Variants in ARL15 observed in about 807,000 individuals in gnomAD.
ARL15 encodes the protein ADP-ribosylation factor-like protein 15.
In ARL15, 19 loss-of-function variants were observed where a neutral mutation model predicts 25.2. That is an observed-to-expected ratio of 0.75 (90% confidence interval 0.53 to 1.10). The LOEUF is 1.10. ARL15 is among the 50% of genes least tolerant of loss of function. ARL15 has a pLI of 0.00. For missense variants in ARL15, 220 were observed against 246.0 expected, an observed-to-expected ratio of 0.89 and a Z score of 0.71; for synonymous variants, 94 against 86.8, an observed-to-expected ratio of 1.08 and a Z score of -0.46.
intron 4 of ARL15, among the ~76,000 whole-genome samples, chr5:53,921,418 T>C (rs1490583796): frequency 1.3e-5 from 2 of 152,222 alleles, no homozygotes; most frequent in Non-Finnish European, 2.9e-5. Context: ...GTTCCAGTAA[T>C]AGAAACATTT....
chr5:54,284,933 G>A (rs1007510954), intron 1 of ARL15, among the ~76,000 whole-genome samples: 2 of 152,106 alleles, frequency 1.3e-5, no homozygotes, highest in African/African-American at 4.8e-5. Context: ...CACAGTATAT[G>A]AACTGGTAAT....
rs376163562 is a variant in ARL15, at chr5:53,933,506, G to A, written c.463-46793C>T. 7.2e-5 allele frequency among the ~76,000 whole-genome samples: 11 copies of A among 152,024 alleles called. 1 individual carries two copies. Among genetic ancestry groups the A allele is most frequent in the East Asian group, 1.9e-4 (1 of 5,146 alleles). ...TAAAAATACAAAAAATTAGCCTGGC[G>A]TGGTGGTGGGCACCTGTAGTCCCAG... On this transcript the variant is annotated intron_variant, in intron 4 of 4. Coordinates refer to ENST00000504924, the MANE Select transcript of ARL15 (RefSeq NM_019087.3).
chr5:53,962,153 A>C (rs1198760442), intron 4 of ARL15, among the ~76,000 whole-genome samples: 1 of 152,242 alleles, frequency 6.6e-6, no homozygotes, highest in Non-Finnish European at 1.5e-5. Context: ...GACAGGTATT[A>C]CCAAATTGTT....
chr5:54,113,759 C>A (rs1752811468), intron 3 of ARL15, among the ~76,000 whole-genome samples: 1 of 151,894 alleles, frequency 6.6e-6, no homozygotes, highest in South Asian at 2.1e-4. Flanking sequence ...GAACTACACA[C>A]TCTCTAAAAA....
chr5:53,923,980 A>C (rs1286663728), intron 4 of ARL15, among the ~76,000 whole-genome samples: 1 of 152,252 alleles, frequency 6.6e-6, no homozygotes, highest in African/African-American at 2.4e-5. Flanking sequence ...TGATTTGAAA[A>C]ACCGCTGAAG....
intron 1 of ARL15, among the ~76,000 whole-genome samples, chr5:54,189,726 A>G (rs1755341088): frequency 6.6e-6 from 1 of 152,228 alleles, no homozygotes; most frequent in Non-Finnish European, 1.5e-5. Flanking sequence ...AGAAAAAAAC[A>G]CAGGGCAAAT....
At chr5:54,016,466 C>G (rs1469228584) in intron 4 of ARL15, among the ~76,000 whole-genome samples, 1 of 152,120 alleles carries the variant, frequency 6.6e-6, no homozygotes, top group Non-Finnish European at 1.5e-5. Context: ...TGCTTTAACA[C>G]TCTGCTGTCA....
intron 4 of ARL15, among the ~76,000 whole-genome samples, chr5:53,961,144 T>C (rs1725756525): frequency 6.6e-6 from 1 of 152,148 alleles, no homozygotes; most frequent in African/African-American, 2.4e-5. Flanking sequence ...ATTTTTTAAA[T>C]CGCTGTTTAG....
At chr5:54,057,813 G>T (rs999275327) in intron 4 of ARL15, among the ~76,000 whole-genome samples, 20 of 151,944 alleles carry the variant, frequency 1.3e-4, no homozygotes, top group African/African-American at 4.4e-4. Flanking sequence ...TGCACCTCTC[G>T]ACTTCACTCC....
intron 1 of ARL15, among the ~76,000 whole-genome samples, chr5:54,232,449 GA>G (rs1221618391): frequency 6.6e-6 from 1 of 152,126 alleles, no homozygotes; most frequent in Non-Finnish European, 1.5e-5. Context: ...ACTATCTATG[GA>G]AAAAAGTTTC....
chr5:54,013,411 A>G (rs1173445764), intron 4 of ARL15, among the ~76,000 whole-genome samples: 3 of 152,310 alleles, frequency 2.0e-5, no homozygotes, highest in East Asian at 3.9e-4. Flanking sequence ...GGAGAGATTT[A>G]GTTTAAATTT....
intron 4 of ARL15, among the ~76,000 whole-genome samples, chr5:54,079,694 G>A (rs1579775505): frequency 6.6e-6 from 1 of 152,084 alleles, no homozygotes; most frequent in African/African-American, 2.4e-5. Context: ...TTAAGGCCAG[G>A]CATGGTGGCT....
chr5:54,239,115 G>C (rs1056414875), intron 1 of ARL15, among the ~76,000 whole-genome samples: 4 of 152,042 alleles, frequency 2.6e-5, no homozygotes, highest in African/African-American at 4.8e-5. Context: ...TGGTGGAAAC[G>C]ACATTTAGGT....
chr5:54,188,483 T>C (rs148069577), intron 1 of ARL15, among the ~76,000 whole-genome samples: 3 of 152,284 alleles, frequency 2.0e-5, no homozygotes, highest in East Asian at 3.9e-4. Flanking sequence ...TTGACTTTAG[T>C]GTTAACATTG....
At chr5:54,055,690 G>A (rs1750847560) in intron 4 of ARL15, among the ~76,000 whole-genome samples, 2 of 151,790 alleles carry the variant, frequency 1.3e-5, no homozygotes, top group African/African-American at 4.8e-5. Context: ...CAAATAATAT[G>A]CCATTGTATG....
chr5:54,036,503 G>A (rs1039852176), intron 4 of ARL15, among the ~76,000 whole-genome samples: 2 of 151,984 alleles, frequency 1.3e-5, no homozygotes, highest in African/African-American at 4.8e-5. Flanking sequence ...ACTCCCCTCT[G>A]ATAAAAACGC....
intron 4 of ARL15, among the ~76,000 whole-genome samples, chr5:54,037,553 C>T (rs1209499723): frequency 6.6e-6 from 1 of 152,032 alleles, no homozygotes; most frequent in Non-Finnish European, 1.5e-5. Flanking sequence ...TGTCTAATGC[C>T]TCCACCCTAA....
At chr5:54,126,073 G>A (rs908892304) in intron 3 of ARL15, among the ~76,000 whole-genome samples, 2 of 152,082 alleles carry the variant, frequency 1.3e-5, no homozygotes, top group African/African-American at 4.8e-5. Context: ...CCCTCAGAGT[G>A]CACAGATCTC....
chr5:53,886,223 A>G lies in ARL15; in HGVS notation c.*338T>C, dbSNP rs1385972228. On this transcript the variant is annotated 3_prime_UTR_variant, in exon 5 of 5. Transcript: ENST00000504924. ...TCTTGTGAGTCTTTCTGAGTCCTTC[A>G]AAAGGGATTTGATTTCCATAAGCCA... 2 of 170,380 alleles carry G rather than the reference A, an allele frequency of 1.2e-5. No homozygotes were observed. The highest frequency in any genetic ancestry group is 2.5e-5 in the Non-Finnish European group (2 of 80,340). The allele number at this position is 170,380 out of a possible 1,614,324, so 10.6% of individuals were successfully genotyped here. A position where few individuals can be genotyped will look rare whatever the true frequency, so the allele number is the denominator to read the frequency against.
Sources: allele counts gnomAD v4.1 joint callset (sites outside exome capture counted in the v4.1 genomes callset), GRCh38; gene constraint gnomAD v4.1.1; transcripts MANE v1.5; gene names NCBI Gene and HGNC (gene_info 2026-07-23, HGNC 2026-07-21).